The following TRABD2B variants were observed in gnomAD, a reference collection of about 807,000 sequenced individuals.
The protein encoded by TRABD2B is TraB domain containing 2B, also known as metalloprotease TIKI2.
A neutral mutation model predicts 40.1 loss-of-function variants in TRABD2B; 14 were observed. The observed-to-expected ratio is 0.35, with a 90% CI of 0.23 to 0.55. The LOEUF (loss-of-function observed/expected upper bound fraction) is 0.55, where lower values mean the gene tolerates loss of function less well. TRABD2B is among the 20% of genes least tolerant of loss of function. TRABD2B has a pLI of 0.90. For missense variants in TRABD2B, 541 were observed against 648.6 expected, an observed-to-expected ratio of 0.83 and a Z score of 1.80; for synonymous variants, 263 against 277.0, an observed-to-expected ratio of 0.95 and a Z score of 0.50.
chr1:47,931,798 A>G (rs1237792597), intron 2 of TRABD2B, among the ~76,000 whole-genome samples: 1 of 152,188 alleles, frequency 6.6e-6, no homozygotes, highest in African/African-American at 2.4e-5. Flanking sequence ...ATGGATCAAG[A>G]GCACAATAAA....
In TRABD2B at chr1:47,823,108, T is replaced by C. The variant is rs1021196505; in HGVS notation, c.667-21489A>G. Among the ~76,000 whole-genome samples the C allele has an allele frequency of 3.9e-5, 6 of 152,376 alleles. No individual in the cohort carries two copies. In the East Asian group the frequency reaches 9.6e-4, roughly 24 times the overall value. ...CGGCCTGGCAGATCCATCTGTGTGA[T>C]AGGGTCTTGCTGTGCTCATGCATCC... On this transcript the variant is annotated intron_variant, in intron 2 of 6. Transcript: ENST00000606738.
rs746180799 is a variant in TRABD2B at position 47,877,921 on chromosome 1, G to A, written c.667-76302C>T. ...GCAGGAGGATCACTTGAACCCAGGA[G>A]GCAGAGAAGTTGCAGTGAGCCCAAG... On this transcript the variant is annotated intron_variant, in intron 2 of 6. Coordinates refer to ENST00000606738, the MANE Select transcript of TRABD2B (RefSeq NM_001194986.2). 5.3e-5 allele frequency among the ~76,000 whole-genome samples: 8 copies of A among 151,432 alleles called. No homozygotes were observed. In the East Asian group the frequency reaches 9.7e-4, roughly 18 times the overall value.
At chr1:47,945,669 T>C (rs187498599) in intron 2 of TRABD2B, among the ~76,000 whole-genome samples, 2 of 152,364 alleles carry the variant, frequency 1.3e-5, no homozygotes, top group Non-Finnish European at 2.9e-5. Context: ...GAATCATTTT[T>C]CGGTCTGACT....
chr1:47,891,884 T>C (rs1460860649), intron 2 of TRABD2B, among the ~76,000 whole-genome samples: 1 of 151,438 alleles, frequency 6.6e-6, no homozygotes, highest in Non-Finnish European at 1.5e-5. Context: ...AAGGGACTAG[T>C]ATGGCTGAAG....
intron 2 of TRABD2B, among the ~76,000 whole-genome samples, chr1:47,831,176 C>CG (rs936171036): frequency 2.0e-5 from 3 of 151,994 alleles, no homozygotes; most frequent in African/African-American, 4.8e-5. Flanking sequence ...TGTCTGGAGA[C>CG]GGGGGGCAAA....
At chr1:47,940,023 C>A (rs1240011690) in intron 2 of TRABD2B, among the ~76,000 whole-genome samples, 1 of 152,192 alleles carries the variant, frequency 6.6e-6, no homozygotes, top group African/African-American at 2.4e-5. Flanking sequence ...TGGCTCCAAC[C>A]GAATTTCCTA....
At chr1:47,914,421 G>A (rs7552314) in intron 2 of TRABD2B, among the ~76,000 whole-genome samples, 4,696 of 152,284 alleles carry the variant, frequency 0.031, 258 homozygotes, top group African/African-American at 0.11. Context: ...CGCGGTGCCC[G>A]CTGTGGGAAG....
intron 2 of TRABD2B, among the ~76,000 whole-genome samples, chr1:47,986,881 C>A (rs964462993): frequency 6.6e-6 from 1 of 152,150 alleles, no homozygotes; most frequent in African/African-American, 2.4e-5. Context: ...GAACTGAAGG[C>A]TCGGCCACCG....
intron 2 of TRABD2B, among the ~76,000 whole-genome samples, chr1:47,931,990 G>A (rs1645045915): frequency 6.6e-6 from 1 of 152,226 alleles, no homozygotes; most frequent in Non-Finnish European, 1.5e-5. Flanking sequence ...ACTTAACGGA[G>A]GGTTTTGGGC....
chr1:47,792,586 G>A (rs756217130), intron 4 of TRABD2B, among the ~76,000 whole-genome samples: 4 of 152,194 alleles, frequency 2.6e-5, no homozygotes, highest in Admixed American at 6.5e-5. Flanking sequence ...CTGTGTGCTG[G>A]CCTGTTGCTG....
chr1:47,798,847 C>T (rs1003888265), intron 3 of TRABD2B, among the ~76,000 whole-genome samples: 2 of 152,194 alleles, frequency 1.3e-5, no homozygotes, highest in Non-Finnish European at 2.9e-5. Flanking sequence ...AGACACAGCC[C>T]CACCTCCAAC....
chr1:47,903,899 G>T (rs1323078936), intron 2 of TRABD2B, among the ~76,000 whole-genome samples: 2 of 152,174 alleles, frequency 1.3e-5, no homozygotes, highest in Non-Finnish European at 2.9e-5. Context: ...GGATCTGCCT[G>T]CCTGCTCCAG....
intron 2 of TRABD2B, among the ~76,000 whole-genome samples, chr1:47,902,715 T>C (rs902063220): frequency 2.6e-5 from 4 of 152,164 alleles, no homozygotes; most frequent in Non-Finnish European, 5.9e-5. Context: ...CTTGAACTCC[T>C]GGCCTCAAGC....
rs561335969 is a variant in TRABD2B, at chr1:47,863,224, A to G, written c.667-61605T>C. Among the ~76,000 whole-genome samples, 5 of 151,574 alleles carry G rather than the reference A, an allele frequency of 3.3e-5. No individual in the cohort carries two copies. The South Asian group carries it at 1.0e-3, about 32-fold the overall frequency. ...AAGAATTGATAAGCTGGACTTTATTAAAATAAAAAATCTGCTCTGTGAAGG... is the reference window on the plus strand; with the variant it reads ...AAGAATTGATAAGCTGGACTTTATTGAAATAAAAAATCTGCTCTGTGAAGG... On this transcript the variant is annotated intron_variant, in intron 2 of 6. Transcript: ENST00000606738.
intron 2 of TRABD2B, among the ~76,000 whole-genome samples, chr1:47,902,213 C>T (rs941454075): frequency 6.6e-6 from 1 of 152,212 alleles, no homozygotes; most frequent in Non-Finnish European, 1.5e-5. Flanking sequence ...ACCCTTGGAA[C>T]CTCATGGCTT....
At chr1:47,831,858 A>T (rs747981039) in intron 2 of TRABD2B, among the ~76,000 whole-genome samples, 11 of 152,090 alleles carry the variant, frequency 7.2e-5, no homozygotes, top group Non-Finnish European at 1.0e-4. Flanking sequence ...GTCGTCGCTC[A>T]TCCTTTACTT....
At position 47,760,852 on chromosome 1, in the gene TRABD2B, G is replaced by A. The variant is rs1191763500; in HGVS notation, c.*5050C>T. On this transcript the variant is annotated 3_prime_UTR_variant, in exon 7 of 7. Transcript: ENST00000606738. ...GCCCCTGCCCACCCCAGCCACTGGG[G>A]ACCCAAGATGTCTGAGAGCCCTTTG... 6.6e-6 allele frequency: 1 copy of A among 152,182 alleles called. No homozygotes were observed. The highest frequency in any genetic ancestry group is 2.4e-5 in the African/African-American group (1 of 41,428). 9.4% of individuals were successfully genotyped at this position (152,182 alleles called of 1,614,324 possible).
chr1:47,772,437 G>A (rs770923752), intron 6 of TRABD2B, among the ~76,000 whole-genome samples: 24 of 151,982 alleles, frequency 1.6e-4, no homozygotes, highest in Admixed American at 5.2e-4. Flanking sequence ...TGGCTGAGGC[G>A]GAAAGAAGGT....
chr1:47,932,054 G>A (rs1304372136), intron 2 of TRABD2B, among the ~76,000 whole-genome samples: 4 of 152,180 alleles, frequency 2.6e-5, no homozygotes, highest in African/African-American at 9.7e-5. Context: ...AGAGGTGAAG[G>A]AAGAGTACCT....
Sources: gnomAD v4.1 joint callset for allele counts (sites outside exome capture counted in the v4.1 genomes callset) on GRCh38, gnomAD v4.1.1 for gene constraint, MANE v1.5 for transcripts, NCBI Gene and HGNC (gene_info 2026-07-23, HGNC 2026-07-21) for gene names.